The following HACD4 variants were observed in gnomAD, a reference collection of about 807,000 sequenced individuals.
HACD4 encodes 3-hydroxyacyl-CoA dehydratase 4.
In HACD4, 35 loss-of-function variants were observed where a neutral mutation model predicts 33.3. The ratio of observed to expected loss-of-function variants is 1.05; its 90% CI spans 0.80 to 1.39. HACD4 has a LOEUF of 1.39. Ranked by LOEUF, HACD4 falls within the 40% of genes most tolerant of loss-of-function variation. The probability of loss-of-function intolerance (pLI) is 0.00; values close to 1 mark genes in which losing one functional copy is unlikely to be tolerated. For synonymous variants in HACD4, 118 were observed against 98.0 expected (o/e 1.20, Z -1.21); for missense variants, 323 against 276.5 (o/e 1.17, Z -1.19).
intron 1 of HACD4, among the ~76,000 whole-genome samples, chr9:21,030,444 AAAAT>A (rs1336714565): frequency 1.3e-5 from 2 of 151,822 alleles, no homozygotes; most frequent in African/African-American, 4.9e-5. Context: ...TCTGTTCTCA[AAAAT>A]AAATAAAAAA....
chr9:21,010,466 C>G lies in HACD4; in HGVS notation c.490+1123G>C, dbSNP rs922739321. ...CTCAGACATCCTGGTACCCCCCCCC[C>G]CCCCAGAGCTTACAGTCTAGTCAAG... On this transcript the variant is annotated intron_variant, in intron 5 of 6. Coordinates refer to ENST00000495827, the MANE Select transcript of HACD4 (RefSeq NM_001010915.5). 1.0e-4 allele frequency among the ~76,000 whole-genome samples: 14 copies of G among 134,122 alleles called. 2 individuals carry two copies. The highest frequency in any genetic ancestry group is 5.4e-4 in the South Asian group (2 of 3,718). The allele number at this position is 134,122 out of a possible 152,430, so 88.0% of individuals were successfully genotyped here. A position where few individuals can be genotyped will look rare whatever the true frequency, so the allele number is the denominator to read the frequency against.
intron 4 of HACD4, chr9:21,015,117 A>T (rs1199443625): frequency 6.6e-6 from 1 of 152,224 alleles, no homozygotes; most frequent in African/African-American, 2.4e-5. Flanking sequence ...ATTTCATTCT[A>T]ATTCACTCTA....
chr9:21,025,882 T>C (rs1172623059), intron 3 of HACD4, among the ~76,000 whole-genome samples: 1 of 152,230 alleles, frequency 6.6e-6, no homozygotes, highest in Non-Finnish European at 1.5e-5. Context: ...CTTCATAAGA[T>C]ACATGTTATT....
In HACD4 at chr9:21,029,861, TGCC is replaced by T. The variant is rs570069863; in HGVS notation, c.39-466_39-464del. 3.4e-3 allele frequency among the ~76,000 whole-genome samples: 523 copies of T among 152,272 alleles called. 1 individual carries two copies. The highest frequency in any genetic ancestry group is 0.012 in the African/African-American group (503 of 41,552). The stretch of plus-strand genomic sequence containing the variant: ...CGGCCGACTGGGAGCTGCGGCCTGA[TGCC>T]GCGGCCCAGCATCATGAAAGGATAT... On this transcript the variant is annotated intron_variant, in intron 1 of 6. Transcript: ENST00000495827.
chr9:21,026,583 G>C lies in HACD4; in HGVS notation c.270+13C>G. The C allele has an allele frequency of 6.3e-7, 1 of 1,599,288 alleles. No individual in the cohort carries two copies. Among genetic ancestry groups the C allele is most frequent in the Non-Finnish European group, 8.5e-7 (1 of 1,171,044 alleles). On this transcript the variant is annotated intron_variant, in intron 3 of 6. Coordinates refer to ENST00000495827, the MANE Select transcript of HACD4 (RefSeq NM_001010915.5). ...TGAAACAGATTCTATAATAATATGTGATTCAAACCTACCTGCAAAAACCTT... is the reference window on the plus strand; with the variant it reads ...TGAAACAGATTCTATAATAATATGTCATTCAAACCTACCTGCAAAAACCTT...
At chr9:21,018,761 G>T (rs1428835491) in intron 3 of HACD4, among the ~76,000 whole-genome samples, 6 of 152,086 alleles carry the variant, frequency 3.9e-5, no homozygotes, top group African/African-American at 1.4e-4. Context: ...TAAACATAGT[G>T]ATAATGTCAT....
intron 2 of HACD4, 138 bp downstream of exon 2, chr9:21,029,157 A>G: frequency 7.0e-6 from 4 of 573,786 alleles, no homozygotes; most frequent in East Asian, 6.3e-5. Context: ...AGGTTTTGCA[A>G]TAAACATGGT....
chr9:21,008,511 A>G (rs1460429971), intron 5 of HACD4, among the ~76,000 whole-genome samples: 2 of 152,200 alleles, frequency 1.3e-5, no homozygotes, highest in Non-Finnish European at 2.9e-5. Flanking sequence ...AGAGTTTCAC[A>G]ACACACATTA....
At position 21,001,771 on chromosome 9, in the gene HACD4, A is replaced by C. The variant is rs1842169378; in HGVS notation, c.*5266T>G. The C allele has an allele frequency of 1.3e-5, 2 of 152,132 alleles. No individual in the cohort carries two copies. The highest frequency in any genetic ancestry group is 4.1e-4 in the South Asian group (2 of 4,826). The allele number at this position is 152,132 out of a possible 1,614,324, so 9.4% of individuals were successfully genotyped here. ...TCAACCACATTTCCTGTATTTGACAAAACTGTTCTTCAAACGTGAGAGAGA... is the reference window on the plus strand; with the variant it reads ...TCAACCACATTTCCTGTATTTGACACAACTGTTCTTCAAACGTGAGAGAGA... On this transcript the variant is annotated 3_prime_UTR_variant, in exon 7 of 7. Transcript: ENST00000495827.
At position 21,026,665 on chromosome 9, in the gene HACD4, T is replaced by A. The variant is rs1476574932; in HGVS notation, c.201A>T (p.Val67=). 1 of 1,613,236 alleles carries A rather than the reference T, an allele frequency of 6.2e-7. No homozygotes were observed. The highest frequency in any genetic ancestry group is 8.5e-7 in the Non-Finnish European group (1 of 1,179,188). Residue 67 remains valine, a synonymous_variant, in exon 3 of 7, where the codon GTA becomes GTT. Coordinates refer to ENST00000495827, the MANE Select transcript of HACD4 (RefSeq NM_001010915.5). The stretch of plus-strand genomic sequence containing the variant: ...ATATGTGCAGCAGTTCCAGGAGAGA[T>A]ACGGATTGGCAAAGTCGCATCACAA... The part of the protein sequence containing the change: ...IGLVMRLCQS[V]SLLELLHIYV...
At position 21,015,816 on chromosome 9, in the gene HACD4, G is replaced by A. The variant is rs780411360; in HGVS notation, c.383+82C>T. Reference sequence around the variant, plus strand: ...GTTATGTTTTCCTCTCTCGTACCAAGTAACCTCTGGTTACTGCTAGTACTG... The same window carrying A: ...GTTATGTTTTCCTCTCTCGTACCAAATAACCTCTGGTTACTGCTAGTACTG... On this transcript the variant is annotated intron_variant, in intron 4 of 6. Coordinates refer to ENST00000495827, the MANE Select transcript of HACD4 (RefSeq NM_001010915.5). 6.3e-5 allele frequency: 48 copies of A among 760,732 alleles called. 1 individual carries two copies. The highest frequency in any genetic ancestry group is 9.6e-5 in the Non-Finnish European group (42 of 436,478). The allele number at this position is 760,732 out of a possible 1,614,324, so 47.1% of individuals were successfully genotyped here. A position where few individuals can be genotyped will look rare whatever the true frequency, so the allele number is the denominator to read the frequency against.
chr9:21,008,266 G>A (rs1458665197), intron 5 of HACD4, 120 bp from the exon 6 acceptor site: 6 of 899,032 alleles, frequency 6.7e-6, no homozygotes, highest in Non-Finnish European at 9.6e-6. Flanking sequence ...TGTAATAGTT[G>A]CTGAATCTTT....
chr9:21,025,176 T>A (rs1339277187), intron 3 of HACD4, among the ~76,000 whole-genome samples: 2 of 152,176 alleles, frequency 1.3e-5, no homozygotes, highest in Admixed American at 6.5e-5. Flanking sequence ...ACTTTTATTT[T>A]ATATTTGATA....
intron 3 of HACD4, among the ~76,000 whole-genome samples, chr9:21,022,038 A>T (rs1366952562): frequency 1.3e-5 from 2 of 152,192 alleles, no homozygotes; most frequent in African/African-American, 4.8e-5. Context: ...AGAGATATAG[A>T]CCAATGGAAC....
rs1399927974 is a variant in HACD4, at chr9:21,026,621, T to G, written c.245A>C (p.Asn82Thr). The G allele has an allele frequency of 2.5e-6, 4 of 1,613,264 alleles. No individual in the cohort carries two copies. In the South Asian group the frequency reaches 4.4e-5, roughly 18 times the overall value. Reference sequence around the variant, plus strand: ...CTGCAAAAACCTTGGGAGAAGATGGTTTGACTCAATGCCAACATATATGTG... The same window carrying G: ...CTGCAAAAACCTTGGGAGAAGATGGGTTGACTCAATGCCAACATATATGTG... ...LLHIYVGIES[N>T]HLLPRFLQLT... The change falls in exon 3 of 7, where the codon AAC (asparagine) becomes ACC (threonine). Residue 82 changes from asparagine (N) to threonine (T), a missense_variant. By Grantham distance (65) the Asn-to-Thr change is moderately conservative. Coordinates refer to ENST00000495827, the MANE Select transcript of HACD4 (RefSeq NM_001010915.5).
intron 3 of HACD4, among the ~76,000 whole-genome samples, chr9:21,018,401 C>T (rs947362787): frequency 6.6e-6 from 1 of 152,120 alleles, no homozygotes; most frequent in African/African-American, 2.4e-5. Flanking sequence ...AATACTAAGA[C>T]TCTTTCACCA....
intron 4 of HACD4, among the ~76,000 whole-genome samples, chr9:21,014,481 G>A (rs1202417444): frequency 6.6e-6 from 1 of 152,188 alleles, no homozygotes; most frequent in Non-Finnish European, 1.5e-5. Flanking sequence ...CATATTGGAT[G>A]ACTCCATTTA....
intron 3 of HACD4, among the ~76,000 whole-genome samples, chr9:21,022,053 G>C (rs1162464317): frequency 7.2e-5 from 11 of 152,090 alleles, no homozygotes; most frequent in South Asian, 4.1e-4. Flanking sequence ...TGGAACAGAA[G>C]AGAGCCCTCA....
rs1222867873 is a variant in HACD4, at chr9:21,006,187, C to T, written c.*850G>A. 1 of 152,100 alleles carries T rather than the reference C, an allele frequency of 6.6e-6. No individual in the cohort carries two copies. Among genetic ancestry groups the T allele is most frequent in the Non-Finnish European group, 1.5e-5 (1 of 68,034 alleles). The allele number at this position is 152,100 out of a possible 1,614,324, so 9.4% of individuals were successfully genotyped here. The stretch of plus-strand genomic sequence containing the variant: ...GTTCCCCCAAAATTCATGTGTTAAG[C>T]CCTAACCTCCAATATGATGGTATTT... On this transcript the variant is annotated 3_prime_UTR_variant, in exon 7 of 7. Transcript: ENST00000495827. The surrounding 1 kb of genome is among the most constrained non-coding windows in gnomAD (Gnocchi z 4.6).
Sources: allele counts gnomAD v4.1 joint callset (sites outside exome capture counted in the v4.1 genomes callset), GRCh38; gene constraint gnomAD v4.1.1; non-coding constraint Gnocchi (gnomAD v3.1); transcripts MANE v1.5; gene names NCBI Gene and HGNC (gene_info 2026-07-23, HGNC 2026-07-21).